Variants in IL1RAPL2 observed in about 807,000 individuals in gnomAD.
IL1RAPL2 encodes X-linked interleukin-1 receptor accessory protein-like 2.
IL1RAPL2 carries 3 observed loss-of-function variants against 44.1 expected under a neutral mutation model. The observed-to-expected ratio is 0.07, with a 90% CI of 0.03 to 0.18. The LOEUF is 0.18. IL1RAPL2 is among the 10% of genes least tolerant of loss of function. IL1RAPL2 has a pLI of 1.00. For synonymous variants in IL1RAPL2, 181 were observed against 178.8 expected (o/e 1.01, Z -0.10); for missense variants, 391 against 496.4 (o/e 0.79, Z 2.02).
chrX:104,640,544 G>A (rs1929913038), intron 1 of IL1RAPL2, among the ~76,000 whole-genome samples: 1 of 111,939 alleles, frequency 8.9e-6, no homozygotes, highest in African/African-American at 3.2e-5. Flanking sequence ...CTTTGTAGGT[G>A]TCATATTTCC....
At chrX:105,736,061 G>T (rs1245787877) in intron 7 of IL1RAPL2, among the ~76,000 whole-genome samples, 1 of 110,205 alleles carries the variant, frequency 9.1e-6, no homozygotes, top group East Asian at 2.9e-4. Flanking sequence ...AACATAATAA[G>T]CAATGCCACC....
At chrX:105,753,501 G>A (rs1325845002) in intron 9 of IL1RAPL2, among the ~76,000 whole-genome samples, 1 of 111,342 alleles carries the variant, frequency 9.0e-6, no homozygotes, top group Non-Finnish European at 1.9e-5. Context: ...CTGAGTCCCA[G>A]GTGAGTAATT....
At chrX:105,366,494 C>G (rs763659711) in intron 5 of IL1RAPL2, among the ~76,000 whole-genome samples, 2 of 110,149 alleles carry the variant, frequency 1.8e-5, no homozygotes, top group East Asian at 2.8e-4. Context: ...TTGAACTTCC[C>G]TCTTAAAACT....
At chrX:105,395,411 C>G (rs1420746469) in intron 5 of IL1RAPL2, among the ~76,000 whole-genome samples, 3 of 109,258 alleles carry the variant, frequency 2.7e-5, no homozygotes, top group Non-Finnish European at 5.7e-5. Flanking sequence ...TATTCTTAAA[C>G]TCATTTTAGA....
At chrX:105,506,654 G>A (rs1158418176) in intron 6 of IL1RAPL2, among the ~76,000 whole-genome samples, 1 of 111,722 alleles carries the variant, frequency 9.0e-6, no homozygotes, top group African/African-American at 3.3e-5. Flanking sequence ...AAAAGGAGGA[G>A]ATAAATGCAT....
intron 2 of IL1RAPL2, among the ~76,000 whole-genome samples, chrX:104,820,565 C>A (rs913175186): frequency 2.7e-5 from 3 of 111,865 alleles, no homozygotes; most frequent in Admixed American, 9.6e-5. Context: ...GTGACCTCAG[C>A]ACCAGCATTG....
intron 6 of IL1RAPL2, among the ~76,000 whole-genome samples, chrX:105,489,061 AT>A (rs965401152): frequency 7.1e-5 from 8 of 112,196 alleles, no homozygotes; most frequent in Admixed American, 6.6e-4. Context: ...ATAACCATAT[AT>A]TTTGAGATGA....
chrX:104,632,660 T>G (rs1929679106), intron 1 of IL1RAPL2, among the ~76,000 whole-genome samples: 1 of 107,838 alleles, frequency 9.3e-6, no homozygotes, highest in African/African-American at 3.3e-5. Context: ...TATTGGTGTA[T>G]AAGAATGCTT....
intron 5 of IL1RAPL2, among the ~76,000 whole-genome samples, chrX:105,373,050 C>T (rs773622463): frequency 8.9e-5 from 10 of 112,636 alleles, no homozygotes; most frequent in Admixed American, 1.9e-4. Flanking sequence ...GGGATTGCTG[C>T]GATGAATGGT....
intron 10 of IL1RAPL2, among the ~76,000 whole-genome samples, chrX:105,766,167 A>T (rs1602562716): frequency 2.7e-5 from 3 of 112,162 alleles, no homozygotes; most frequent in African/African-American, 9.8e-5. Context: ...GAATTGCTCC[A>T]CAAAGTAGGG....
At chrX:105,123,921 A>T (rs2032950110) in intron 2 of IL1RAPL2, among the ~76,000 whole-genome samples, 1 of 111,194 alleles carries the variant, frequency 9.0e-6, no homozygotes, top group South Asian at 3.8e-4. Flanking sequence ...AAAATGATTT[A>T]GAGATAAATT....
At position 105,383,047 on chromosome X, in the gene IL1RAPL2, G is replaced by C. The variant is rs748448439; in HGVS notation, c.698-101266G>C. ...TGAAGAGTTCCTGGGTGCAGCACAC[G>C]AACATGGCACATGTATACATATGTA... is the stretch of plus-strand genomic sequence containing the variant. On this transcript the variant is annotated intron_variant, in intron 5 of 10. Coordinates refer to ENST00000372582, the MANE Select transcript of IL1RAPL2 (RefSeq NM_017416.2). Among the ~76,000 whole-genome samples the C allele has an allele frequency of 1.5e-4, 16 of 108,227 alleles. No individual in the cohort carries two copies. The East Asian group carries it at 4.2e-3, about 28-fold the overall frequency. 94.0% of individuals were successfully genotyped at this position (108,227 alleles called of 115,157 possible).
chrX:104,603,161 C>G (rs1243991239), intron 1 of IL1RAPL2, among the ~76,000 whole-genome samples: 7 of 111,436 alleles, frequency 6.3e-5, no homozygotes, highest in Non-Finnish European at 1.9e-5. Flanking sequence ...GTTCTGCAGC[C>G]TCCACTGGTG....
chrX:105,678,109 T>TAATAAAA (rs1292282196), intron 6 of IL1RAPL2, among the ~76,000 whole-genome samples: 3 of 111,272 alleles, frequency 2.7e-5, no homozygotes, highest in African/African-American at 9.8e-5. Flanking sequence ...TAGAGGTGAA[T>TAATAAAA]AATAAAAAAA....
intron 2 of IL1RAPL2, among the ~76,000 whole-genome samples, chrX:104,911,368 C>A (rs888001085): frequency 8.9e-6 from 1 of 111,895 alleles, no homozygotes; most frequent in African/African-American, 3.2e-5. Flanking sequence ...CTATTTATAA[C>A]ATAGGTGAAA....
intron 5 of IL1RAPL2, among the ~76,000 whole-genome samples, chrX:105,300,341 G>T (rs2034687261): frequency 9.0e-6 from 1 of 111,124 alleles, no homozygotes; most frequent in East Asian, 2.9e-4. Flanking sequence ...AGTGGAGCAG[G>T]TGTCTTATAT....
chrX:105,195,654 A>G lies in IL1RAPL2; in HGVS notation c.262A>G (p.Ile88Val). Residue 88 changes from isoleucine (I) to valine (V), a missense_variant, in exon 3 of 11, where the codon ATC (isoleucine) becomes GTC (valine). Around this residue, in one of 2 missense-constraint regions of IL1RAPL2, gnomAD observed 159 missense variants for 251.7 expected, o/e 0.63. Transcript: ENST00000372582. The stretch of plus-strand genomic sequence containing the variant: ...CAAAGGTGATTTGGAAGAGCCCATC[A>G]TCTTTTCAGAGGTCAGGATGAGCAA... ...KNKGDLEEPI[I>V]FSEVRMSKEE... 1 of 1,211,466 alleles carries G rather than the reference A, an allele frequency of 8.3e-7. No individual in the cohort carries two copies. Among genetic ancestry groups the G allele is most frequent in the Non-Finnish European group, 1.1e-6 (1 of 895,031 alleles).
intron 2 of IL1RAPL2, among the ~76,000 whole-genome samples, chrX:104,824,508 G>A (rs1921398321): frequency 8.9e-6 from 1 of 111,801 alleles, no homozygotes; most frequent in Admixed American, 9.5e-5. Context: ...CTCTGAATTA[G>A]TCTGGTCCTG....
At chrX:105,077,727 G>T (rs746298409) in intron 2 of IL1RAPL2, among the ~76,000 whole-genome samples, 1 of 111,501 alleles carries the variant, frequency 9.0e-6, no homozygotes, top group Admixed American at 9.6e-5. Context: ...ATATTTCTTG[G>T]AGGCGTTGTT....
Sources: allele counts gnomAD v4.1 joint callset (sites outside exome capture counted in the v4.1 genomes callset), GRCh38; gene constraint gnomAD v4.1.1; regional missense constraint gnomAD v4.1.1; transcripts MANE v1.5; gene names NCBI Gene and HGNC (gene_info 2026-07-23, HGNC 2026-07-21).